Variants in ZNF354A observed in about 807,000 individuals in gnomAD.
ZNF354A encodes the protein zinc finger protein 354A.
Under a neutral mutation model 53.3 loss-of-function variants are expected in ZNF354A, and 25 were observed. The observed-to-expected ratio is 0.47, with a 90% confidence interval of 0.34 to 0.66. The LOEUF is 0.66. Ranked by LOEUF, ZNF354A falls within the 30% of genes least tolerant of loss-of-function variation. The pLI, the probability that ZNF354A is intolerant of heterozygous loss-of-function variation, is 0.01. For synonymous variants in ZNF354A, 228 were observed against 249.0 expected (o/e 0.92, Z 0.79); for missense variants, 586 against 716.8 (o/e 0.82, Z 2.08).
intron 4 of ZNF354A, among the ~76,000 whole-genome samples, chr5:178,717,532 A>G (rs1374030847): frequency 6.6e-6 from 1 of 151,718 alleles, no homozygotes; most frequent in Non-Finnish European, 1.5e-5. Flanking sequence ...GGGGAAGACC[A>G]GGAAAGGGGC....
intron 4 of ZNF354A, among the ~76,000 whole-genome samples, chr5:178,719,621 A>G (rs1340504233): frequency 6.6e-6 from 1 of 152,212 alleles, no homozygotes; most frequent in Non-Finnish European, 1.5e-5. Flanking sequence ...ACCTTATCCT[A>G]TAGCTAGTCA....
intron 2 of ZNF354A, among the ~76,000 whole-genome samples, chr5:178,727,408 T>G (rs1765932112): frequency 6.6e-6 from 1 of 152,216 alleles, no homozygotes; most frequent in Non-Finnish European, 1.5e-5. Context: ...GATTTGCTAA[T>G]ACATATTAGA....
chr5:178,712,106 G>T lies in ZNF354A; in HGVS notation c.1772C>A (p.Ser591Ter). Residue 591 changes from serine to a stop codon, truncating the protein, a stop_gained, in exon 5 of 5, where the codon TCA (serine) becomes TAA (stop). Transcript: ENST00000335815. LOFTEE classifies it high-confidence loss of function. Reference protein sequence around the residue: ...NTCGKLFNHRSSLTNHYKIHI... With the variant: ...NTCGKLFNHR ...AATTTTATAATGATTAGTAAGGGAT[G>T]ACCTATGGTTGAAAAGTTTCCCACA... The T allele has an allele frequency of 6.2e-7, 1 of 1,611,388 alleles. No homozygotes were observed. Among genetic ancestry groups the T allele is most frequent in the South Asian group, 1.1e-5 (1 of 90,792 alleles).
intron 4 of ZNF354A, among the ~76,000 whole-genome samples, chr5:178,715,904 T>C (rs1488970169): frequency 1.3e-5 from 2 of 151,556 alleles, no homozygotes; most frequent in East Asian, 3.9e-4. Flanking sequence ...TCTGTGGTTT[T>C]TTTTTTTTTT....
In ZNF354A at chr5:178,728,781, T is replaced by TAAAAAAAAAAAAAA. The variant is rs1561622864; in HGVS notation, c.33+208_33+209insTTTTTTTTTTTTTT. ...CACTGCCTGGGCGACAAAGCGAGAT[T>TAAAAAAAAAAAAAA]CAAAAAAAAAAAAAAAAAAGAGAAC... On this transcript the variant is annotated intron_variant, in intron 2 of 4. Transcript: ENST00000335815. 1.5e-4 allele frequency among the ~76,000 whole-genome samples: 3 copies of TAAAAAAAAAAAAAA among 19,790 alleles called. No homozygotes were observed. In the East Asian group the frequency reaches 3.8e-3, roughly 25 times the overall value. 13.0% of individuals were successfully genotyped at this position (19,790 alleles called of 152,430 possible).
chr5:178,711,949 G>T lies in ZNF354A; in HGVS notation c.*111C>A. On this transcript the variant is annotated 3_prime_UTR_variant, in exon 5 of 5. Coordinates refer to ENST00000335815, the MANE Select transcript of ZNF354A (RefSeq NM_005649.3). ...TCCATGGAATTAAATACCTAATGAG[G>T]GCTAAATTATTACAGTTTTTTTCAC... 1 of 1,352,250 alleles carries T rather than the reference G, an allele frequency of 7.4e-7. No individual in the cohort carries two copies. The highest frequency in any genetic ancestry group is 1.0e-6 in the Non-Finnish European group (1 of 1,003,416). 83.8% of individuals were successfully genotyped at this position (1,352,250 alleles called of 1,614,324 possible).
chr5:178,715,979 C>A (rs376874487), intron 4 of ZNF354A, among the ~76,000 whole-genome samples: 1 of 151,678 alleles, frequency 6.6e-6, no homozygotes, highest in South Asian at 2.1e-4. Flanking sequence ...TCACTGCAAC[C>A]TCCCCCTCCC....
intron 4 of ZNF354A, among the ~76,000 whole-genome samples, chr5:178,715,073 GA>G (rs1229746862): frequency 6.6e-6 from 1 of 152,208 alleles, no homozygotes; most frequent in Non-Finnish European, 1.5e-5. Context: ...GGTTAACATG[GA>G]AAAGTAAAGA....
intron 1 of ZNF354A, among the ~76,000 whole-genome samples, 172 bp downstream of exon 1, chr5:178,730,384 G>T (rs1766010840): frequency 6.8e-6 from 1 of 146,436 alleles, no homozygotes; most frequent in South Asian, 2.3e-4. Flanking sequence ...CACCAGCAAC[G>T]GCGAGGGAGC....
intron 1 of ZNF354A, among the ~76,000 whole-genome samples, chr5:178,729,997 G>A (rs564145225): frequency 6.6e-6 from 1 of 152,082 alleles, no homozygotes; most frequent in South Asian, 2.1e-4. Context: ...ACAAGTAGCT[G>A]GGACTACAGG....
intron 4 of ZNF354A, among the ~76,000 whole-genome samples, chr5:178,722,152 GA>G (rs1320719656): frequency 6.6e-6 from 1 of 151,982 alleles, no homozygotes; most frequent in Non-Finnish European, 1.5e-5. Flanking sequence ...TGAAATGCTG[GA>G]GTTCCTCAAG....
chr5:178,720,937 C>T (rs1319755718), intron 4 of ZNF354A, among the ~76,000 whole-genome samples: 1 of 152,216 alleles, frequency 6.6e-6, no homozygotes, highest in Non-Finnish European at 1.5e-5. Flanking sequence ...AGCCACCAAC[C>T]TGGAACACAA....
chr5:178,713,979 T>G (rs1765670964), intron 4 of ZNF354A, among the ~76,000 whole-genome samples: 3 of 139,884 alleles, frequency 2.1e-5, no homozygotes, highest in Non-Finnish European at 4.8e-5. Flanking sequence ...TCCTAATTTT[T>G]TTTTGTTTTT....
chr5:178,713,138 C>T lies in ZNF354A; in HGVS notation c.740G>A (p.Cys247Tyr), dbSNP rs748284318. 6 of 1,614,124 alleles carry T rather than the reference C, an allele frequency of 3.7e-6. No homozygotes were observed. The highest frequency in any genetic ancestry group is 3.4e-6 in the Non-Finnish European group (4 of 1,180,024). ...TGAACTTTGGCTAAAGGCTTTTGAA[C>T]ATTCTTTACACTTAAATAGTTTCTC... is the stretch of plus-strand genomic sequence containing the variant. ...SGEKLFKCKE[C>Y]SKAFSQSSAL... The change falls in exon 5 of 5, where the codon TGT becomes TAT. Residue 247 changes from cysteine (C) to tyrosine (Y), a missense_variant. Cys to Tyr is a radical substitution (Grantham distance 194). Coordinates refer to ENST00000335815, the MANE Select transcript of ZNF354A (RefSeq NM_005649.3).
At chr5:178,730,308 G>A (rs1766008731) in intron 1 of ZNF354A, among the ~76,000 whole-genome samples, 1 of 152,052 alleles carries the variant, frequency 6.6e-6, no homozygotes, top group South Asian at 2.1e-4. Flanking sequence ...GGCCCACATG[G>A]AGTGGGCAGG....
chr5:178,719,754 C>T lies in ZNF354A; in HGVS notation c.256+5622G>A, dbSNP rs376614896. On this transcript the variant is annotated intron_variant, in intron 4 of 4. Coordinates refer to ENST00000335815, the MANE Select transcript of ZNF354A (RefSeq NM_005649.3). ...CGAGGTCAGGAGATCGAGACCATCC[C>T]GGCTAAAACGGTGAAACCCCGTCTC... 2.0e-3 allele frequency among the ~76,000 whole-genome samples: 310 copies of T among 151,978 alleles called. 2 individuals are homozygous for T. Among genetic ancestry groups the T allele is most frequent in the East Asian group, 8.9e-3 (46 of 5,162 alleles).
At chr5:178,720,616 G>A (rs576119824) in intron 4 of ZNF354A, among the ~76,000 whole-genome samples, 2 of 152,318 alleles carry the variant, frequency 1.3e-5, no homozygotes, top group Non-Finnish European at 2.9e-5. Context: ...GGGGCCCTGC[G>A]AATATCTTGA....
intron 4 of ZNF354A, among the ~76,000 whole-genome samples, chr5:178,720,322 C>T (rs1229890471): frequency 6.6e-6 from 1 of 152,192 alleles, no homozygotes; most frequent in Non-Finnish European, 1.5e-5. Flanking sequence ...GACCTCAGAA[C>T]GTGACCTTAC....
chr5:178,730,178 G>GCC lies in ZNF354A; in HGVS notation c.-52+377_-52+378insGG, dbSNP rs374649820. Among the ~76,000 whole-genome samples the GCC allele has an allele frequency of 3.4e-4, 52 of 152,284 alleles. No homozygotes were observed. The East Asian group carries it at 9.1e-3, about 27-fold the overall frequency. ...CCGCGCCCGGCCAAACACCAGCTCT[G>GCC]AAGAGGAAAGCGCTGGGTGTCCCGA... On this transcript the variant is annotated intron_variant, in intron 1 of 4. Coordinates refer to ENST00000335815, the MANE Select transcript of ZNF354A (RefSeq NM_005649.3).
Sources: allele counts gnomAD v4.1 joint callset (sites outside exome capture counted in the v4.1 genomes callset), GRCh38; gene constraint gnomAD v4.1.1; transcripts MANE v1.5; gene names NCBI Gene and HGNC (gene_info 2026-07-23, HGNC 2026-07-21).